Variants in CDYL2 observed in about 807,000 individuals in gnomAD.
CDYL2 encodes the protein chromodomain Y-like protein 2.
Under a neutral mutation model 49.4 loss-of-function variants are expected in CDYL2, and 23 were observed. That is an observed-to-expected ratio of 0.47 (90% CI 0.34 to 0.66). CDYL2 has a LOEUF of 0.66. Among genes scored for constraint, CDYL2 ranks in the 30% least tolerant of loss-of-function variants. The pLI is 0.01. For synonymous variants in CDYL2, 360 were observed against 268.8 expected (o/e 1.34, Z -3.32); for missense variants, 678 against 656.4 (o/e 1.03, Z -0.36).
chr16:80,791,963 A>G (rs1907624249), intron 1 of CDYL2, among the ~76,000 whole-genome samples: 1 of 152,244 alleles, frequency 6.6e-6, no homozygotes, highest in Non-Finnish European at 1.5e-5. Flanking sequence ...CTCCTGAATT[A>G]AAGTGGTGAG....
intron 1 of CDYL2, among the ~76,000 whole-genome samples, chr16:80,726,670 G>A (rs1905172120): frequency 6.6e-6 from 1 of 151,796 alleles, no homozygotes; most frequent in Non-Finnish European, 1.5e-5. Context: ...AAGGAGCAAG[G>A]GCTTCTTAGA....
chr16:80,692,445 A>G (rs977570342), intron 1 of CDYL2, among the ~76,000 whole-genome samples: 2 of 152,176 alleles, frequency 1.3e-5, no homozygotes, highest in Non-Finnish European at 2.9e-5. Context: ...TTAGGGGACA[A>G]AATAGGAACT....
intron 1 of CDYL2, among the ~76,000 whole-genome samples, chr16:80,753,761 C>T (rs1004378803): frequency 1.3e-5 from 2 of 152,048 alleles, no homozygotes; most frequent in East Asian, 3.9e-4. Context: ...AAGTACTGAA[C>T]ATAAAGGAAA....
At chr16:80,678,462 G>C (rs1301145301) in intron 2 of CDYL2, among the ~76,000 whole-genome samples, 2 of 152,126 alleles carry the variant, frequency 1.3e-5, no homozygotes, top group East Asian at 1.9e-4. Flanking sequence ...GACATGAACA[G>C]ACACTTCTCA....
rs1395500826 is a variant in CDYL2, at chr16:80,804,202, G to A, written c.-29C>T. ...AGGCTGCGGAACTTGGCTCGCCGGT[G>A]TGCGCGTCTGCTCGCTCGCGCCCTC... On this transcript the variant is annotated 5_prime_UTR_variant, in exon 1 of 7. Coordinates refer to ENST00000570137, the MANE Select transcript of CDYL2 (RefSeq NM_152342.4). The A allele has an allele frequency of 3.0e-6, 4 of 1,340,432 alleles. No homozygotes were observed. Among genetic ancestry groups the A allele is most frequent in the Non-Finnish European group, 3.9e-6 (4 of 1,018,364 alleles). The allele number at this position is 1,340,432 out of a possible 1,614,324, so 83.0% of individuals were successfully genotyped here. A position where few individuals can be genotyped will look rare whatever the true frequency, so the allele number is the denominator to read the frequency against.
chr16:80,701,689 G>T (rs769921544), intron 1 of CDYL2, among the ~76,000 whole-genome samples: 1 of 152,224 alleles, frequency 6.6e-6, no homozygotes, highest in Non-Finnish European at 1.5e-5. Context: ...TTCTGGATGG[G>T]AAGTCTTCAC....
chr16:80,643,008 G>C (rs1367885643), intron 2 of CDYL2, among the ~76,000 whole-genome samples: 2 of 152,070 alleles, frequency 1.3e-5, no homozygotes, highest in East Asian at 3.9e-4. Context: ...TAACCCAAAA[G>C]TCCACAGTGC....
chr16:80,784,878 C>T (rs763536194), intron 1 of CDYL2, among the ~76,000 whole-genome samples: 3 of 152,032 alleles, frequency 2.0e-5, no homozygotes, highest in Non-Finnish European at 4.4e-5. Flanking sequence ...CTTAGTGAAA[C>T]AAGGATGTTT....
intron 2 of CDYL2, among the ~76,000 whole-genome samples, chr16:80,664,622 T>C (rs1274274950): frequency 6.6e-6 from 1 of 152,170 alleles, no homozygotes; most frequent in African/African-American, 2.4e-5. Flanking sequence ...CTCAAAACGC[T>C]AAAAATTTTT....
At chr16:80,633,344 G>T in intron 2 of CDYL2, 108 bp from the exon 3 acceptor site, 2 of 1,097,728 alleles carry the variant, frequency 1.8e-6, no homozygotes, top group South Asian at 1.5e-5. Flanking sequence ...GATGTGCTGG[G>T]ACACACCACC....
chr16:80,723,271 C>A (rs1402096389), intron 1 of CDYL2, among the ~76,000 whole-genome samples: 1 of 152,212 alleles, frequency 6.6e-6, no homozygotes, highest in Non-Finnish European at 1.5e-5. Context: ...TGTATGGCTC[C>A]TACACAGGGA....
In CDYL2 at chr16:80,598,470, AGAC is replaced by A. The variant is rs1209053900; in HGVS notation, c.*5915_*5917del. The A allele has an allele frequency of 6.6e-6, 1 of 152,208 alleles. No individual in the cohort carries two copies. Among genetic ancestry groups the A allele is most frequent in the Non-Finnish European group, 1.5e-5 (1 of 68,028 alleles). 9.4% of individuals were successfully genotyped at this position (152,208 alleles called of 1,614,324 possible). On this transcript the variant is annotated 3_prime_UTR_variant, in exon 7 of 7. Coordinates refer to ENST00000570137, the MANE Select transcript of CDYL2 (RefSeq NM_152342.4). ...TGAATGAGAATGGAGAGAGAACTGA[AGAC>A]AATTCTTCTCACACCTAACAGGAAT...
intron 1 of CDYL2, among the ~76,000 whole-genome samples, chr16:80,755,928 G>A (rs1444644127): frequency 6.6e-6 from 1 of 152,084 alleles, no homozygotes; most frequent in Non-Finnish European, 1.5e-5. Context: ...CTAAAATAAA[G>A]TCTACTATAC....
intron 1 of CDYL2, among the ~76,000 whole-genome samples, chr16:80,739,485 T>A (rs566202730): frequency 5.3e-5 from 8 of 152,010 alleles, no homozygotes; most frequent in Non-Finnish European, 8.8e-5. Context: ...GAAATGTCAG[T>A]GGGAAGGAGG....
intron 1 of CDYL2, among the ~76,000 whole-genome samples, chr16:80,732,948 G>A (rs1463692913): frequency 1.3e-5 from 2 of 152,032 alleles, no homozygotes; most frequent in South Asian, 2.1e-4. Context: ...ATTTTGAATT[G>A]TGTCGTGAAG....
intron 4 of CDYL2, among the ~76,000 whole-genome samples, chr16:80,616,995 T>C (rs1906855876): frequency 6.6e-6 from 1 of 152,130 alleles, no homozygotes; most frequent in African/African-American, 2.4e-5. Flanking sequence ...CCAGGGGCCA[T>C]GTGGGCAGCT....
intron 1 of CDYL2, among the ~76,000 whole-genome samples, chr16:80,759,785 C>T (rs914785779): frequency 6.6e-6 from 1 of 152,214 alleles, no homozygotes; most frequent in African/African-American, 2.4e-5. Flanking sequence ...CAAACCACTT[C>T]AAGCCTAAAC....
rs149679978 is a variant in CDYL2 at position 80,636,633 on chromosome 16, G to A, written c.617-3397C>T. 5.2e-3 allele frequency among the ~76,000 whole-genome samples: 787 copies of A among 152,280 alleles called. 8 individuals are homozygous for A. The highest frequency in any genetic ancestry group is 0.018 in the African/African-American group (731 of 41,550). On this transcript the variant is annotated intron_variant, in intron 2 of 6. Coordinates refer to ENST00000570137, the MANE Select transcript of CDYL2 (RefSeq NM_152342.4). ...AGTGTAAATTACTTCAACCATTGTG[G>A]AAGACAGTGTGGCGATTCCTCAAGG...
intron 1 of CDYL2, among the ~76,000 whole-genome samples, chr16:80,759,120 A>ATATATATATATGGTT (rs1555535887): frequency 2.4e-5 from 3 of 122,684 alleles, no homozygotes; most frequent in African/African-American, 1.1e-4. Context: ...ATATATATAT[A>ATATATATATATGGTT]TATATATATA....
Sources: allele counts gnomAD v4.1 joint callset (sites outside exome capture counted in the v4.1 genomes callset), GRCh38; gene constraint gnomAD v4.1.1; transcripts MANE v1.5; gene names NCBI Gene and HGNC (gene_info 2026-07-23, HGNC 2026-07-21).